IPO5: variants seen among roughly 807,000 people sequenced by gnomAD.
IPO5 encodes importin 5, also known as importin-5.
Under a neutral mutation model 143.3 loss-of-function variants are expected in IPO5, and 18 were observed. The ratio of observed to expected loss-of-function variants is 0.13; its 90% CI spans 0.09 to 0.19. IPO5 has a LOEUF of 0.19. IPO5 is among the 10% of genes least tolerant of loss of function. The pLI, the probability that IPO5 is intolerant of heterozygous loss-of-function variation, is 1.00. For synonymous variants in IPO5, 477 were observed against 465.7 expected, an observed-to-expected ratio of 1.02 and a Z score of -0.31; for missense variants, 1,013 against 1,336.9, an observed-to-expected ratio of 0.76 and a Z score of 3.78.
Position 98,002,748 on chromosome 13 carries a change from G to C in IPO5, c.1298G>C (p.Gly433Ala). 1 of 1,612,246 alleles carries C rather than the reference G, an allele frequency of 6.2e-7. No individual in the cohort carries two copies. Among genetic ancestry groups the C allele is most frequent in the African/African-American group, 1.3e-5 (1 of 74,912 alleles). Reference protein sequence around the residue: ...VGQMATDFAPGFQKKFHEKVI... With the variant: ...VGQMATDFAPAFQKKFHEKVI... ...CAGATGGCTACAGATTTTGCACCTG[G>C]TTTCCAAAAGAAATTTCATGAGAAG... The change falls in exon 15 of 29, where the codon GGT becomes GCT. Residue 433 changes from glycine to alanine, a missense_variant. Physicochemically the swap from Gly to Ala is moderately conservative, Grantham distance 60. Around this residue, in one of 2 missense-constraint regions of IPO5, gnomAD observed 685 missense variants for 994.9 expected, o/e 0.69. Transcript: ENST00000651721.
intron 2 of IPO5, among the ~76,000 whole-genome samples, chr13:97,968,444 G>C (rs1594024418): frequency 1.3e-5 from 2 of 152,108 alleles, no homozygotes; most frequent in South Asian, 4.1e-4. Flanking sequence ...GATCTATCTA[G>C]TTATCCTATC....
rs1185360342 is a variant in IPO5, at chr13:98,001,387, G to A, written c.1108+742G>A. Among the ~76,000 whole-genome samples the A allele has an allele frequency of 2.0e-5, 3 of 152,172 alleles. No individual in the cohort carries two copies. The East Asian group carries it at 5.8e-4, about 29-fold the overall frequency. ...ATCTCGCTCTGTTGCCCAGGGTAAT[G>A]TGATCTCAGCTCACCGCAGCCTCCA... On this transcript the variant is annotated intron_variant, in intron 13 of 28. Coordinates refer to ENST00000651721, the MANE Select transcript of IPO5 (RefSeq NM_002271.6).
At chr13:98,012,204 A>C in intron 20 of IPO5, 42 bp from the exon 21 acceptor site, 1 of 1,150,762 alleles carries the variant, frequency 8.7e-7, no homozygotes, top group Non-Finnish European at 1.3e-6. Context: ...ATGCTTGAAG[A>C]CTAACATGAA....
chr13:97,993,035 A>T (rs762637233), intron 10 of IPO5, 21 bp downstream of exon 10: 1 of 1,611,886 alleles, frequency 6.2e-7, no homozygotes, highest in Admixed American at 1.7e-5. Flanking sequence ...TACGTTAGTA[A>T]ACGTTCTGTT....
rs1309897884 is a variant in IPO5, at chr13:98,008,130, T to A, written c.1788T>A (p.Asp596Glu). 3 of 1,604,282 alleles carry A rather than the reference T, an allele frequency of 1.9e-6. No homozygotes were observed. Among genetic ancestry groups the A allele is most frequent in the Non-Finnish European group, 2.6e-6 (3 of 1,171,144 alleles). The change falls in exon 18 of 29, where the codon GAT (aspartate) becomes GAA (glutamate). Residue 596 changes from aspartate to glutamate, a missense_variant. Asp to Glu is a conservative substitution (Grantham distance 45, BLOSUM62 2). Coordinates refer to ENST00000651721, the MANE Select transcript of IPO5 (RefSeq NM_002271.6). The stretch of plus-strand genomic sequence containing the variant: ...AGACAGACTTCAATGATATGGAAGA[T>A]GATGATCCTCAGGTAAGTGGTCTTA... Reference protein sequence around the residue: ...KTQTDFNDMEDDDPQISYMIS... With the variant: ...KTQTDFNDMEEDDPQISYMIS...
chr13:97,961,069 A>C (rs1354483363), intron 2 of IPO5, among the ~76,000 whole-genome samples: 2 of 152,020 alleles, frequency 1.3e-5, no homozygotes, highest in Non-Finnish European at 2.9e-5. Flanking sequence ...CATAAGTGGG[A>C]CCAAAAAAAT....
At chr13:97,990,021 C>A in intron 7 of IPO5, 105 bp from the exon 8 acceptor site, 1 of 688,330 alleles carries the variant, frequency 1.5e-6, no homozygotes, top group South Asian at 1.8e-5. Flanking sequence ...TGGATTAATG[C>A]GTACTGAGTC....
At chr13:97,990,275 A>G in intron 8 of IPO5, 53 bp downstream of exon 8, 1 of 1,349,254 alleles carries the variant, frequency 7.4e-7, no homozygotes, top group South Asian at 1.2e-5. Flanking sequence ...CTAATTTGCG[A>G]AAGAAATTAG....
intron 2 of IPO5, among the ~76,000 whole-genome samples, chr13:97,965,896 T>C (rs968134985): frequency 2.0e-5 from 3 of 151,896 alleles, no homozygotes; most frequent in Non-Finnish European, 2.9e-5. Context: ...CCCAGCACTT[T>C]GGGGCGGCCG....
At chr13:98,006,096 TC>T (rs1889216673) in intron 16 of IPO5, 33 bp from the exon 17 acceptor site, 1 of 1,392,406 alleles carries the variant, frequency 7.2e-7, no homozygotes, top group Non-Finnish European at 1.0e-6. Context: ...CTTCCAGTTT[TC>T]CTTTGAGGTA....
At chr13:97,960,004 A>T (rs1344114483) in intron 2 of IPO5, among the ~76,000 whole-genome samples, 1 of 152,214 alleles carries the variant, frequency 6.6e-6, no homozygotes, top group Non-Finnish European at 1.5e-5. Context: ...AATGTTCATT[A>T]AACAAATACT....
intron 4 of IPO5, chr13:97,981,226 A>G (rs764900528): frequency 8.8e-6 from 4 of 453,840 alleles, no homozygotes; most frequent in Admixed American, 4.8e-5. Context: ...TTCCCCCAAA[A>G]TCTGTTCTTC....
At chr13:98,007,560 C>A (rs1384387799) in intron 17 of IPO5, 3 of 152,322 alleles carry the variant, frequency 2.0e-5, no homozygotes, top group Admixed American at 6.5e-5. Flanking sequence ...GAACTGGTTT[C>A]TGTGAGACGC....
chr13:98,010,780 C>CTTTTTTTTTTTT (rs71117688), intron 20 of IPO5, among the ~76,000 whole-genome samples: 4,420 of 69,378 alleles, frequency 0.064, 833 homozygotes, highest in Non-Finnish European at 0.076. Flanking sequence ...AAGGATAATC[C>CTTTTTTTTTTTT]TTTTTTTTTT....
intron 4 of IPO5, chr13:97,981,244 A>G (rs993630570): frequency 8.8e-6 from 4 of 455,968 alleles, no homozygotes; most frequent in Middle Eastern, 3.2e-4. Context: ...TTCCCCAGAC[A>G]GATATGTTTG....
At chr13:98,008,179 T>C (rs1594114808) in intron 18 of IPO5, 37 bp downstream of exon 18, 1 of 1,238,080 alleles carries the variant, frequency 8.1e-7, no homozygotes, top group Non-Finnish European at 1.2e-6. Flanking sequence ...GATCCGCTAA[T>C]GAGTTGTGGA....
chr13:98,014,671 A>G (rs1889980233), intron 22 of IPO5, among the ~76,000 whole-genome samples: 1 of 152,216 alleles, frequency 6.6e-6, no homozygotes. Context: ...GAAGGGCAGT[A>G]TAGGTAGAGG....
intron 3 of IPO5, 49 bp downstream of exon 3, chr13:97,969,879 A>T (rs764191427): frequency 8.4e-6 from 12 of 1,437,038 alleles, no homozygotes; most frequent in East Asian, 6.9e-5. Flanking sequence ...TGTTTTTTTT[A>T]AAAGAGACAA....
intron 6 of IPO5, among the ~76,000 whole-genome samples, chr13:97,988,442 A>G (rs549718460): frequency 1.4e-4 from 21 of 152,302 alleles, no homozygotes; most frequent in Admixed American, 2.6e-4. Context: ...AGTCAATCAG[A>G]TATTTGTACA....
Sources: gnomAD v4.1 joint callset for allele counts (sites outside exome capture counted in the v4.1 genomes callset) on GRCh38, gnomAD v4.1.1 for gene constraint, gnomAD v4.1.1 regional missense constraint, MANE v1.5 for transcripts, NCBI Gene and HGNC (gene_info 2026-07-23, HGNC 2026-07-21) for gene names.